Variants in LETM1 observed in about 807,000 individuals in gnomAD.
LETM1 encodes mitochondrial proton/calcium exchanger protein.
Under a neutral mutation model 74.5 loss-of-function variants are expected in LETM1, and 50 were observed. The observed-to-expected ratio is 0.67, with a 90% CI of 0.53 to 0.85. The LOEUF (loss-of-function observed/expected upper bound fraction) is 0.85, where lower values mean the gene tolerates loss of function less well. LETM1 is among the 40% of genes least tolerant of loss of function. LETM1 has a pLI of 0.00. For missense variants in LETM1, 824 were observed against 967.8 expected (o/e 0.85, Z 1.97); for synonymous variants, 446 against 407.1 (o/e 1.10, Z -1.15).
At position 1,856,151 on chromosome 4, in the gene LETM1, C is replaced by T. The variant is rs1713237109; in HGVS notation, c.-201G>A. On this transcript the variant is annotated 5_prime_UTR_variant, in exon 1 of 14. Coordinates refer to ENST00000302787, the MANE Select transcript of LETM1 (RefSeq NM_012318.3). ...GTCCCGGCACAGACGTCCGGAGGCGCGGGGCGGGGCGGCCAGGCCGCGGCT... is the reference window on the plus strand; with the variant it reads ...GTCCCGGCACAGACGTCCGGAGGCGTGGGGCGGGGCGGCCAGGCCGCGGCT... The T allele has an allele frequency of 3.1e-6, 1 of 319,772 alleles. No individual in the cohort carries two copies. The highest frequency in any genetic ancestry group is 5.7e-6 in the Non-Finnish European group (1 of 176,866). 19.8% of individuals were successfully genotyped at this position (319,772 alleles called of 1,614,324 possible). A position where few individuals can be genotyped will look rare whatever the true frequency, so the allele number is the denominator to read the frequency against.
chr4:1,816,708 C>T lies in LETM1; in HGVS notation c.1931+19G>A, dbSNP rs373257565. The T allele has an allele frequency of 7.3e-5, 118 of 1,608,362 alleles. No homozygotes were observed. Among genetic ancestry groups the T allele is most frequent in the Admixed American group, 1.5e-4 (9 of 59,846 alleles). ...ATGTGAGTCTCCGATCCCTCTCCCG[C>T]GCCCACCACCCCACTCACCCCGTGG... On this transcript the variant is annotated intron_variant, in intron 12 of 13. Coordinates refer to ENST00000302787, the MANE Select transcript of LETM1 (RefSeq NM_012318.3).
intron 1 of LETM1, among the ~76,000 whole-genome samples, 165 bp downstream of exon 1, chr4:1,855,704 C>T (rs1251522715): frequency 3.3e-5 from 5 of 152,222 alleles, no homozygotes; most frequent in Admixed American, 6.5e-5. Context: ...GCTGGCGGCC[C>T]AGCCCGCGAC....
In LETM1 at chr4:1,813,454, G is replaced by GCA. The variant is rs1028893712; in HGVS notation, c.*968_*969dup. 6.6e-6 allele frequency: 1 copy of GCA among 152,356 alleles called. No individual in the cohort carries two copies. The highest frequency in any genetic ancestry group is 2.1e-4 in the South Asian group (1 of 4,834). 9.4% of individuals were successfully genotyped at this position (152,356 alleles called of 1,614,324 possible). A position where few individuals can be genotyped will look rare whatever the true frequency, so the allele number is the denominator to read the frequency against. The stretch of plus-strand genomic sequence containing the variant: ...GCGGGGAGGCCACCCCACCCAGAGG[G>GCA]CACAGGGCAAACCCTAAGCACGGGG... On this transcript the variant is annotated 3_prime_UTR_variant, in exon 14 of 14. Transcript: ENST00000302787.
chr4:1,842,030 T>C (rs1712720247), intron 2 of LETM1, among the ~76,000 whole-genome samples: 1 of 152,040 alleles, frequency 6.6e-6, no homozygotes, highest in Admixed American at 6.6e-5. Context: ...GACAGGAGCA[T>C]GGGCGGGCGA....
chr4:1,816,570 T>A (rs1711577740), intron 12 of LETM1, among the ~76,000 whole-genome samples, 157 bp downstream of exon 12: 1 of 152,012 alleles, frequency 6.6e-6, no homozygotes, highest in Admixed American at 6.6e-5. Flanking sequence ...TGCCAGAGGG[T>A]TCCTGGCTGG....
intron 1 of LETM1, among the ~76,000 whole-genome samples, chr4:1,854,867 C>T (rs1205758589): frequency 2.6e-5 from 4 of 151,922 alleles, no homozygotes; most frequent in African/African-American, 7.3e-5. Context: ...CAATCTATCT[C>T]TTTGGGGGTG....
intron 12 of LETM1, 101 bp from the exon 13 acceptor site, chr4:1,815,903 C>A: frequency 1.4e-6 from 2 of 1,454,406 alleles, no homozygotes; most frequent in Non-Finnish European, 1.9e-6. Flanking sequence ...CTGACACAGG[C>A]GGCTCCGCGT....
chr4:1,815,699 T>C lies in LETM1; in HGVS notation c.2035A>G (p.Lys679Glu), dbSNP rs1454284122. The change falls in exon 13 of 14, where the codon AAG (lysine) becomes GAG (glutamate). Residue 679 changes from lysine (K) to glutamate (E), a missense_variant. Physicochemically the swap from Lys to Glu is moderately conservative, Grantham distance 56. Around this residue, in one of 4 missense-constraint regions of LETM1, gnomAD observed 161 missense variants for 252.7 expected, o/e 0.64. Coordinates refer to ENST00000302787, the MANE Select transcript of LETM1 (RefSeq NM_012318.3). ...TCGTCGATGTTGACCTTGCCATCCT[T>C]GTTTTCATCCAGTGCTGCGGCCAGG... Reference protein sequence around the residue: ...TSLAAALDENKDGKVNIDDLV... With the variant: ...TSLAAALDENEDGKVNIDDLV... 6.2e-7 allele frequency: 1 copy of C among 1,614,112 alleles called. No individual in the cohort carries two copies. The highest frequency in any genetic ancestry group is 8.5e-7 in the Non-Finnish European group (1 of 1,180,036).
chr4:1,842,442 C>A (rs939392850), intron 2 of LETM1, among the ~76,000 whole-genome samples: 1 of 152,230 alleles, frequency 6.6e-6, no homozygotes, highest in Non-Finnish European at 1.5e-5. Flanking sequence ...ACCTGCCCCC[C>A]CGCCTGGACA....
chr4:1,834,755 G>C lies in LETM1; in HGVS notation c.876+90C>G. ...CAAGCGCCAGCCAGCACCTGGGGGA[G>C]CTCCACTCTGCTGAGCACAGCGAAA... On this transcript the variant is annotated intron_variant, in intron 5 of 13. Transcript: ENST00000302787. The surrounding 1 kb of genome is among the most constrained non-coding windows in gnomAD (Gnocchi z 5.0). The C allele has an allele frequency of 1.3e-6, 2 of 1,557,630 alleles. No individual in the cohort carries two copies. The highest frequency in any genetic ancestry group is 1.4e-5 in the African/African-American group (1 of 73,508).
At chr4:1,835,661 G>C (rs1712441389) in intron 4 of LETM1, among the ~76,000 whole-genome samples, 1 of 152,174 alleles carries the variant, frequency 6.6e-6, no homozygotes, top group Admixed American at 6.5e-5. Context: ...ACAGGGCTCT[G>C]CTGAGAACAG....
Position 1,819,397 on chromosome 4 carries a change from G to C in LETM1, c.1684C>G (p.Leu562Val), listed in dbSNP as rs768341499. Reference protein sequence around the residue: ...CSKLQEQKKSLTKEKEELELL... With the variant: ...CSKLQEQKKSVTKEKEELELL... ...TCCAGCTCCTCCTTCTCCTTGGTGA[G>C]TGACTTCTTCTGCTCCTGCAGCTTA... Residue 562 changes from leucine to valine, a missense_variant, in exon 11 of 14, where the codon CTC (leucine) becomes GTC (valine). By Grantham distance (32) the Leu-to-Val change is conservative. This residue lies in a region of LETM1 where 161 missense variants were observed against 252.7 expected (regional missense o/e 0.64). Coordinates refer to ENST00000302787, the MANE Select transcript of LETM1 (RefSeq NM_012318.3). 14 of 1,613,708 alleles carry C rather than the reference G, an allele frequency of 8.7e-6. No homozygotes were observed. Among genetic ancestry groups the C allele is most frequent in the Non-Finnish European group, 1.0e-5 (12 of 1,179,930 alleles).
chr4:1,827,132 T>C (rs1259974748), intron 6 of LETM1, among the ~76,000 whole-genome samples: 1 of 152,212 alleles, frequency 6.6e-6, no homozygotes, highest in Non-Finnish European at 1.5e-5. Context: ...TACTGTTTCC[T>C]TTCTGGTCGA....
chr4:1,819,719 G>A (rs547384765), intron 10 of LETM1, among the ~76,000 whole-genome samples: 35 of 152,304 alleles, frequency 2.3e-4, no homozygotes, highest in South Asian at 4.1e-4. Context: ...GAATTGACAC[G>A]TGTACTGTGA....
At chr4:1,835,934 A>G (rs918412016) in intron 4 of LETM1, among the ~76,000 whole-genome samples, 2 of 152,168 alleles carry the variant, frequency 1.3e-5, no homozygotes, top group African/African-American at 2.4e-5. Flanking sequence ...AAAATTAGTC[A>G]GATGTGGTGG....
chr4:1,828,122 C>A (rs1364623398), intron 6 of LETM1, among the ~76,000 whole-genome samples: 1 of 109,158 alleles, frequency 9.2e-6, no homozygotes, highest in Admixed American at 8.7e-5. Context: ...CCCTCCCGGA[C>A]GGGGCGGCTG....
chr4:1,854,783 A>T (rs898304253), intron 1 of LETM1, among the ~76,000 whole-genome samples: 2 of 151,942 alleles, frequency 1.3e-5, no homozygotes, highest in Non-Finnish European at 2.9e-5. Flanking sequence ...ACAGATTGAG[A>T]CTCTGTCTTT....
chr4:1,854,892 G>A (rs987040730), intron 1 of LETM1, among the ~76,000 whole-genome samples: 1 of 151,390 alleles, frequency 6.6e-6, no homozygotes, highest in Non-Finnish European at 1.5e-5. Context: ...ACAGAGACAA[G>A]AATATTGAAG....
chr4:1,845,624 T>C lies in LETM1; in HGVS notation c.143+3525A>G, dbSNP rs187086014. 2.1e-3 allele frequency among the ~76,000 whole-genome samples: 313 copies of C among 150,478 alleles called. 1 individual carries two copies. Among genetic ancestry groups the C allele is most frequent in the Non-Finnish European group, 2.6e-3 (176 of 67,634 alleles). Reference sequence around the variant, plus strand: ...GTGCAGTGGCACAATCTGGGCTCACTGCAACCTCCACCTTCCAGGTTCACG... The same window carrying C: ...GTGCAGTGGCACAATCTGGGCTCACCGCAACCTCCACCTTCCAGGTTCACG... On this transcript the variant is annotated intron_variant, in intron 2 of 13. Transcript: ENST00000302787.
Sources: gnomAD v4.1 joint callset for allele counts (sites outside exome capture counted in the v4.1 genomes callset) on GRCh38, gnomAD v4.1.1 for gene constraint, gnomAD v4.1.1 regional missense constraint, Gnocchi (gnomAD v3.1) non-coding constraint, MANE v1.5 for transcripts, NCBI Gene and HGNC (gene_info 2026-07-23, HGNC 2026-07-21) for gene names.